Variants in PTPRD observed in about 807,000 individuals in gnomAD.
PTPRD encodes protein tyrosine phosphatase receptor type D, also known as receptor-type tyrosine-protein phosphatase delta.
A neutral mutation model predicts 214.5 loss-of-function variants in PTPRD; 34 were observed. The ratio of observed to expected loss-of-function variants is 0.16; its 90% CI spans 0.12 to 0.21. The LOEUF (loss-of-function observed/expected upper bound fraction) is 0.21. Among genes scored for constraint, PTPRD ranks in the 10% least tolerant of loss-of-function variants. The probability of loss-of-function intolerance (pLI) is 1.00; values close to 1 mark genes in which losing one functional copy is unlikely to be tolerated. For missense variants in PTPRD, 2,545 were observed against 2,398.7 expected (o/e 1.06, Z -1.27); for synonymous variants, 1,128 against 845.7 (o/e 1.33, Z -5.79).
At chr9:8,597,875 T>C (rs899556988) in intron 14 of PTPRD, among the ~76,000 whole-genome samples, 12 of 152,150 alleles carry the variant, frequency 7.9e-5, no homozygotes, top group African/African-American at 2.9e-4. Flanking sequence ...ATATTTATTA[T>C]TATTTAAAAG....
At chr9:10,482,461 A>G (rs1313302160) in intron 2 of PTPRD, among the ~76,000 whole-genome samples, 2 of 152,026 alleles carry the variant, frequency 1.3e-5, no homozygotes, top group Admixed American at 6.6e-5. Context: ...AGGGCATTCA[A>G]ATTGGAAAAG....
intron 10 of PTPRD, among the ~76,000 whole-genome samples, chr9:9,119,744 G>A (rs941041784): frequency 6.6e-6 from 1 of 151,722 alleles, no homozygotes; most frequent in Non-Finnish European, 1.5e-5. Context: ...GGGTGGTCTC[G>A]AACTTCTGAG....
At chr9:9,734,332 G>A (rs189686267) in intron 7 of PTPRD, among the ~76,000 whole-genome samples, 95 of 152,222 alleles carry the variant, frequency 6.2e-4, no homozygotes, top group Non-Finnish European at 1.2e-3. Flanking sequence ...TCTCCAAGAA[G>A]TATCTGGACT....
chr9:8,447,371 G>C (rs1470439820), intron 34 of PTPRD, among the ~76,000 whole-genome samples: 1 of 152,120 alleles, frequency 6.6e-6, no homozygotes, highest in Non-Finnish European at 1.5e-5. Flanking sequence ...GGTGATACAA[G>C]AGATGTTACA....
At chr9:8,699,153 G>C (rs2098010374) in intron 12 of PTPRD, among the ~76,000 whole-genome samples, 2 of 152,118 alleles carry the variant, frequency 1.3e-5, no homozygotes, top group Non-Finnish European at 2.9e-5. Flanking sequence ...TTTCTAACAA[G>C]TGATGAAATT....
At chr9:9,927,690 A>C (rs10816240) in intron 5 of PTPRD, among the ~76,000 whole-genome samples, 11,306 of 152,100 alleles carry the variant, frequency 0.074, 832 homozygotes, top group East Asian at 0.19. Flanking sequence ...GTATATTATT[A>C]ATATCTATCT....
chr9:9,122,089 A>G (rs1278946031), intron 10 of PTPRD, among the ~76,000 whole-genome samples: 1 of 152,208 alleles, frequency 6.6e-6, no homozygotes, highest in Non-Finnish European at 1.5e-5. Context: ...CAAAAAAAGT[A>G]GATCCTTGAA....
At chr9:8,353,809 C>G (rs1210096757) in intron 39 of PTPRD, among the ~76,000 whole-genome samples, 1 of 94,794 alleles carries the variant, frequency 1.1e-5, no homozygotes, top group Admixed American at 1.1e-4. Flanking sequence ...GACTCCTTCT[C>G]AAAAAAAAAT....
chr9:9,590,765 G>A (rs558726016), intron 7 of PTPRD, among the ~76,000 whole-genome samples: 1 of 152,080 alleles, frequency 6.6e-6, no homozygotes, highest in East Asian at 1.9e-4. Flanking sequence ...GAAATGAAAA[G>A]TTTCTCCCTT....
chr9:9,579,184 T>G (rs555727381), intron 7 of PTPRD, among the ~76,000 whole-genome samples: 1 of 152,274 alleles, frequency 6.6e-6, no homozygotes, highest in African/African-American at 2.4e-5. Flanking sequence ...ATATATTTAT[T>G]ATGAGTCTAA....
intron 2 of PTPRD, among the ~76,000 whole-genome samples, chr9:10,593,348 T>A (rs543657428): frequency 1.3e-5 from 2 of 152,160 alleles, no homozygotes; most frequent in African/African-American, 4.8e-5. Context: ...ATACAGCACA[T>A]GTAAGAGTGA....
chr9:8,638,405 G>C (rs1333022293), intron 12 of PTPRD, among the ~76,000 whole-genome samples: 3 of 151,796 alleles, frequency 2.0e-5, no homozygotes, highest in African/African-American at 7.3e-5. Context: ...TCCTATCTAA[G>C]CTCCACCAAT....
chr9:9,556,955 T>C (rs2081666244), intron 8 of PTPRD, among the ~76,000 whole-genome samples: 1 of 152,134 alleles, frequency 6.6e-6, no homozygotes, highest in Non-Finnish European at 1.5e-5. Flanking sequence ...GAGATGGACA[T>C]GGTGGTTCTG....
At chr9:9,012,827 C>T (rs1052504354) in intron 11 of PTPRD, among the ~76,000 whole-genome samples, 3 of 152,096 alleles carry the variant, frequency 2.0e-5, no homozygotes, top group African/African-American at 7.2e-5. Flanking sequence ...AGAGATAAAA[C>T]TTCACAAAAC....
intron 11 of PTPRD, among the ~76,000 whole-genome samples, chr9:8,835,844 T>C (rs2097407726): frequency 6.6e-6 from 1 of 152,196 alleles, no homozygotes; most frequent in South Asian, 2.1e-4. Context: ...GGCAATTTTA[T>C]TCTTCATAAT....
intron 3 of PTPRD, among the ~76,000 whole-genome samples, chr9:10,103,377 T>TTTTATATATATATATATA (rs1554643479): frequency 5.5e-5 from 4 of 72,424 alleles, no homozygotes; most frequent in African/African-American, 2.9e-4. Flanking sequence ...AAACTGCATA[T>TTTTATATATATATATATA]TATATATATA....
In PTPRD at chr9:9,774,859, G is replaced by A. The variant is rs948400295; in HGVS notation, c.-367-8008C>T. Among the ~76,000 whole-genome samples the A allele has an allele frequency of 2.6e-5, 4 of 152,138 alleles. No homozygotes were observed. The South Asian group carries it at 6.2e-4, about 24-fold the overall frequency. On this transcript the variant is annotated intron_variant, in intron 5 of 45. Coordinates refer to ENST00000381196, the MANE Select transcript of PTPRD (RefSeq NM_002839.4). Reference sequence around the variant, plus strand: ...GGGTTAATCGTTATATTCTTTTGCTGTTTTATGCATGATAGTACCTCATAA... The same window carrying A: ...GGGTTAATCGTTATATTCTTTTGCTATTTTATGCATGATAGTACCTCATAA...
intron 7 of PTPRD, among the ~76,000 whole-genome samples, chr9:9,692,852 G>C (rs1410948289): frequency 1.3e-5 from 2 of 151,362 alleles, no homozygotes. Flanking sequence ...TTACCTCTTT[G>C]GTTAATTCCT....
At chr9:10,546,426 C>CT (rs1312456553) in intron 2 of PTPRD, among the ~76,000 whole-genome samples, 1 of 151,862 alleles carries the variant, frequency 6.6e-6, no homozygotes, top group Non-Finnish European at 1.5e-5. Context: ...CCTCAGCAAA[C>CT]TTTAGTTTAT....
Sources: allele counts gnomAD v4.1 joint callset (sites outside exome capture counted in the v4.1 genomes callset), GRCh38; gene constraint gnomAD v4.1.1; transcripts MANE v1.5; gene names NCBI Gene and HGNC (gene_info 2026-07-23, HGNC 2026-07-21).